Variants in ARSG observed in about 807,000 individuals in gnomAD.
ARSG encodes ASG.
Under a neutral mutation model 50.5 loss-of-function variants are expected in ARSG, and 37 were observed. The ratio of observed to expected loss-of-function variants is 0.73; its 90% CI spans 0.56 to 0.96. The LOEUF is 0.96. Among genes scored for constraint, ARSG ranks in the 50% least tolerant of loss-of-function variants. The probability of loss-of-function intolerance (pLI) is 0.00; values close to 1 mark genes in which losing one functional copy is unlikely to be tolerated. For synonymous variants in ARSG, 225 were observed against 254.6 expected (o/e 0.88, Z 1.11); for missense variants, 629 against 675.3 (o/e 0.93, Z 0.76).
intron 1 of ARSG, among the ~76,000 whole-genome samples, chr17:68,291,775 G>T (rs914011128): frequency 5.3e-5 from 8 of 151,534 alleles, no homozygotes; most frequent in African/African-American, 1.7e-4. Context: ...GGCCAGGCGC[G>T]AGCGCGCGGG....
At chr17:68,365,403 C>G (rs1390130302) in intron 6 of ARSG, among the ~76,000 whole-genome samples, 1 of 152,076 alleles carries the variant, frequency 6.6e-6, no homozygotes, top group East Asian at 1.9e-4. Flanking sequence ...CTGATTGTCC[C>G]CATTTTATAG....
the ARSG span, chr17:68,429,972 C>T: frequency 1.2e-6 from 2 of 1,613,350 alleles, no homozygotes; most frequent in East Asian, 4.5e-5. Context: ...TGGTCTTGTT[C>T]AGAGTGGGTG....
At chr17:68,436,376 A>G in the ARSG span, 4 of 1,613,414 alleles carry the variant, frequency 2.5e-6, no homozygotes, top group African/African-American at 5.3e-5. Context: ...GTCACCGTCA[A>G]CTTACCAGGG....
chr17:68,422,981 T>C (rs1460682083), downstream of ARSG, among the ~76,000 whole-genome samples: 1 of 152,152 alleles, frequency 6.6e-6, no homozygotes, highest in African/African-American at 2.4e-5. Flanking sequence ...AGCGTGATCC[T>C]ACGCAGGGAA....
chr17:68,343,944 A>T (rs888985270), intron 3 of ARSG, among the ~76,000 whole-genome samples, 153 bp downstream of exon 3: 4 of 152,220 alleles, frequency 2.6e-5, no homozygotes, highest in Admixed American at 2.0e-4. Flanking sequence ...AAAAGACCTA[A>T]CAGTGAATTA....
In ARSG at chr17:68,381,818, T is replaced by A. The variant is rs561448718; in HGVS notation, c.983-3246T>A. Among the ~76,000 whole-genome samples the A allele has an allele frequency of 1.1e-3, 174 of 152,328 alleles. 4 individuals are homozygous for A. In the South Asian group the frequency reaches 0.035, roughly 31 times the overall value. Reference sequence around the variant, plus strand: ...ATCACAGTCTCTGGGAAAGAGACTTTGGCATGCGTATTTTTTAAAAGCTCT... The same window carrying A: ...ATCACAGTCTCTGGGAAAGAGACTTAGGCATGCGTATTTTTTAAAAGCTCT... On this transcript the variant is annotated intron_variant, in intron 8 of 11. Coordinates refer to ENST00000621439, the MANE Select transcript of ARSG (RefSeq NM_001267727.2). The surrounding 1 kb of genome is among the most constrained non-coding windows in gnomAD (Gnocchi z 4.1).
chr17:68,308,898 C>T (rs1344701759), intron 2 of ARSG, among the ~76,000 whole-genome samples: 8 of 152,394 alleles, frequency 5.2e-5, no homozygotes, highest in African/African-American at 1.2e-4. Flanking sequence ...CTGCCAGTCC[C>T]GCGCCCTGCG....
At chr17:68,406,880 C>T (rs1304746353) in intron 11 of ARSG, among the ~76,000 whole-genome samples, 1 of 152,166 alleles carries the variant, frequency 6.6e-6, no homozygotes, top group Non-Finnish European at 1.5e-5. Context: ...TTAATTATGT[C>T]CTAGCTATTT....
intron 2 of ARSG, among the ~76,000 whole-genome samples, chr17:68,313,158 G>A (rs1286320871): frequency 2.0e-5 from 3 of 152,130 alleles, no homozygotes; most frequent in Non-Finnish European, 2.9e-5. Flanking sequence ...CTACTCAGGA[G>A]GCTGAGGCAG....
At chr17:68,309,719 C>A (rs1398976164) in intron 2 of ARSG, among the ~76,000 whole-genome samples, 1 of 151,566 alleles carries the variant, frequency 6.6e-6, no homozygotes, top group Non-Finnish European at 1.5e-5. Context: ...TGTAGCCGGG[C>A]GCAGTGGCAG....
intron 1 of ARSG, among the ~76,000 whole-genome samples, chr17:68,273,719 A>T (rs1390413548): frequency 6.6e-6 from 1 of 152,220 alleles, no homozygotes; most frequent in Non-Finnish European, 1.5e-5. Context: ...TGAAGATCAA[A>T]CAAAAACCCT....
At chr17:68,332,560 T>C (rs369684957) in intron 2 of ARSG, among the ~76,000 whole-genome samples, 3 of 152,166 alleles carry the variant, frequency 2.0e-5, no homozygotes, top group African/African-American at 7.2e-5. Flanking sequence ...TGTTAAGAGA[T>C]TGCAGTAAAG....
At chr17:68,278,431 T>C (rs1195327845) in intron 1 of ARSG, 19 of 677,252 alleles carry the variant, frequency 2.8e-5, no homozygotes, top group Admixed American at 2.9e-5. Context: ...ACCCCATTTC[T>C]TAAGTTGTTG....
chr17:68,426,247 A>AGGGGGGGGGGGGGGGGGGGG, downstream of ARSG: 1 of 655,804 alleles, frequency 1.5e-6, no homozygotes, highest in Non-Finnish European at 2.3e-6. Context: ...GCGGGTGGGG[A>AGGGGGGGGGGGGGGGGGGGG]GCGGGGGCTC....
intron 2 of ARSG, among the ~76,000 whole-genome samples, chr17:68,314,514 A>C (rs1323903967): frequency 2.2e-5 from 3 of 134,140 alleles, no homozygotes; most frequent in Non-Finnish European, 3.3e-5. Context: ...CAACAGAGCA[A>C]GACTCCATCT....
At chr17:68,435,554 A>G in the ARSG span, 6 of 1,503,008 alleles carry the variant, frequency 4.0e-6, no homozygotes, top group Non-Finnish European at 4.6e-6. Flanking sequence ...GTTCAATCCC[A>G]TCCCTGCGCA....
intron 11 of ARSG, among the ~76,000 whole-genome samples, chr17:68,417,733 ATTTTTTTTTT>A (rs770292731): frequency 2.0e-4 from 12 of 60,832 alleles, no homozygotes; most frequent in East Asian, 1.9e-3. Flanking sequence ...GAGTTGCTGA[ATTTTTTTTTT>A]TTTTTTTTTT....
chr17:68,331,189 C>T (rs932783152), intron 2 of ARSG, among the ~76,000 whole-genome samples: 1 of 38,616 alleles, frequency 2.6e-5, no homozygotes, highest in African/African-American at 1.2e-4. Flanking sequence ...TTCTTTCTTT[C>T]TTTCTTTCTT....
intron 1 of ARSG, among the ~76,000 whole-genome samples, chr17:68,262,161 G>T (rs1164126598): frequency 2.2e-5 from 2 of 91,600 alleles, no homozygotes; most frequent in South Asian, 4.1e-4. Flanking sequence ...CATCTCAAAC[G>T]AAAACAAACA....
Sources: gnomAD v4.1 joint callset for allele counts (sites outside exome capture counted in the v4.1 genomes callset) on GRCh38, gnomAD v4.1.1 for gene constraint, Gnocchi (gnomAD v3.1) non-coding constraint, MANE v1.5 for transcripts, NCBI Gene and HGNC (gene_info 2026-07-23, HGNC 2026-07-21) for gene names.